SGIP1: variants seen among roughly 807,000 people sequenced by gnomAD.
SGIP1 encodes SH3GL interacting endocytic adaptor 1.
In SGIP1, 38 loss-of-function variants were observed where a neutral mutation model predicts 107.5. The ratio of observed to expected loss-of-function variants is 0.35; its 90% CI spans 0.27 to 0.46. SGIP1 has a LOEUF of 0.46. Ranked by LOEUF, SGIP1 falls within the 20% of genes least tolerant of loss-of-function variation. The pLI is 1.00. For missense variants in SGIP1, 929 were observed against 1,019.5 expected (o/e 0.91, Z 1.21); for synonymous variants, 365 against 366.1 (o/e 1.00, Z 0.03).
chr1:66,702,698 A>C (rs191947107), intron 18 of SGIP1, among the ~76,000 whole-genome samples: 1 of 152,184 alleles, frequency 6.6e-6, no homozygotes, highest in Admixed American at 6.5e-5. Context: ...TTGTATCTCT[A>C]TCAGACTCAC....
intron 17 of SGIP1, among the ~76,000 whole-genome samples, chr1:66,693,040 T>C (rs2090202384): frequency 1.3e-5 from 2 of 152,188 alleles, no homozygotes; most frequent in South Asian, 4.1e-4. Context: ...GAAAAACTAC[T>C]GGTTGAGCTA....
At chr1:66,603,125 C>G (rs895811614) in intron 1 of SGIP1, among the ~76,000 whole-genome samples, 4 of 152,130 alleles carry the variant, frequency 2.6e-5, no homozygotes, top group African/African-American at 9.7e-5. Context: ...AAATGTTAAG[C>G]TAATGCTTTT....
intron 19 of SGIP1, among the ~76,000 whole-genome samples, chr1:66,726,111 A>T (rs1244482655): frequency 6.6e-6 from 1 of 152,204 alleles, no homozygotes; most frequent in African/African-American, 2.4e-5. Flanking sequence ...TGCAGGAGCC[A>T]CACACAAGCC....
intron 10 of SGIP1, among the ~76,000 whole-genome samples, chr1:66,671,250 C>T (rs2083720332): frequency 6.6e-6 from 1 of 152,024 alleles, no homozygotes; most frequent in South Asian, 2.1e-4. Flanking sequence ...AAAAACATTG[C>T]TATTTTCTTT....
chr1:66,566,050 G>A (rs1294760983), intron 1 of SGIP1, among the ~76,000 whole-genome samples: 1 of 151,918 alleles, frequency 6.6e-6, no homozygotes. Flanking sequence ...ACCCAAACTA[G>A]CCATTACACT....
At chr1:66,533,441 T>C (rs928122969), upstream of SGIP1, 2 of 152,266 alleles carry the variant, frequency 1.3e-5, no homozygotes, top group East Asian at 3.9e-4. Context: ...TTAATGACAG[T>C]TCCCAGCCCT....
intron 7 of SGIP1, among the ~76,000 whole-genome samples, chr1:66,646,506 G>A (rs1453843896): frequency 6.6e-6 from 1 of 152,136 alleles, no homozygotes; most frequent in African/African-American, 2.4e-5. Flanking sequence ...ATAAAGTCGT[G>A]CCTCACTTAT....
At chr1:66,559,146 T>TG (rs1295946049) in intron 1 of SGIP1, among the ~76,000 whole-genome samples, 1 of 152,102 alleles carries the variant, frequency 6.6e-6, no homozygotes, top group African/African-American at 2.4e-5. Context: ...AAATTTTGTG[T>TG]GTGCAGAAAA....
chr1:66,613,636 C>T (rs557539525), intron 1 of SGIP1, among the ~76,000 whole-genome samples: 9 of 152,286 alleles, frequency 5.9e-5, no homozygotes, highest in Admixed American at 5.9e-4. Flanking sequence ...AGCCTAAAAT[C>T]TAAGGTCTTT....
chr1:66,566,804 A>T (rs1053075192), intron 1 of SGIP1, among the ~76,000 whole-genome samples: 1 of 151,946 alleles, frequency 6.6e-6, no homozygotes, highest in Admixed American at 6.6e-5. Context: ...TCAACCCGTC[A>T]TCTAGGTTTT....
rs1571841832 is a variant in SGIP1, at chr1:66,687,515, A to C, written c.1316-1633A>C. Among the ~76,000 whole-genome samples, 9 of 152,212 alleles carry C rather than the reference A, an allele frequency of 5.9e-5. No homozygotes were observed. In the Middle Eastern group the frequency reaches 0.01, roughly 173 times the overall value. Reference sequence around the variant, plus strand: ...TATTGAGAGAGAGATGTGCAAGCCAAGCAAAAATAAGAACAGACTTTATGC... The same window carrying C: ...TATTGAGAGAGAGATGTGCAAGCCACGCAAAAATAAGAACAGACTTTATGC... On this transcript the variant is annotated intron_variant, in intron 15 of 24. Transcript: ENST00000371037.
At chr1:66,634,051 G>A (rs752823841) in intron 3 of SGIP1, 2 of 1,559,940 alleles carry the variant, frequency 1.3e-6, no homozygotes, top group South Asian at 1.2e-5. Context: ...TCAGACATTG[G>A]GTAACACTAT....
chr1:66,729,080 C>A (rs1393557971), intron 19 of SGIP1, among the ~76,000 whole-genome samples, 184 bp from the exon 20 acceptor site: 1 of 151,982 alleles, frequency 6.6e-6, no homozygotes, highest in African/African-American at 2.4e-5. Context: ...ATATAACAAA[C>A]CTGCACATGT....
At chr1:66,600,741 T>C (rs1232833750) in intron 1 of SGIP1, among the ~76,000 whole-genome samples, 4 of 152,132 alleles carry the variant, frequency 2.6e-5, no homozygotes, top group African/African-American at 4.8e-5. Context: ...AGTGGTCCCC[T>C]AAGCCATGCA....
At chr1:66,633,175 T>C (rs2075137033) in intron 3 of SGIP1, 81 bp downstream of exon 3, 2 of 937,310 alleles carry the variant, frequency 2.1e-6, no homozygotes, top group Non-Finnish European at 3.4e-6. Flanking sequence ...CCTTTTTTTT[T>C]CCTGTAGGGA....
chr1:66,663,458 C>G (rs896112788), intron 8 of SGIP1, among the ~76,000 whole-genome samples: 2 of 151,984 alleles, frequency 1.3e-5, no homozygotes, highest in Non-Finnish European at 2.9e-5. Context: ...TCCCTCCTGG[C>G]TGATAATAAT....
At chr1:66,576,055 A>T (rs1302388223) in intron 1 of SGIP1, among the ~76,000 whole-genome samples, 1 of 152,222 alleles carries the variant, frequency 6.6e-6, no homozygotes, top group Non-Finnish European at 1.5e-5. Flanking sequence ...ATTTATTTAT[A>T]TATTGCAGCA....
chr1:66,591,037 TG>T (rs2063541267), intron 1 of SGIP1, among the ~76,000 whole-genome samples: 1 of 152,172 alleles, frequency 6.6e-6, no homozygotes, highest in Admixed American at 6.5e-5. Context: ...TTTAAGGCAA[TG>T]GAGGTATTTT....
chr1:66,630,820 A>G (rs1313273195), intron 2 of SGIP1, among the ~76,000 whole-genome samples: 1 of 4,874 alleles, frequency 2.1e-4, no homozygotes, highest in Admixed American at 3.8e-3. Flanking sequence ...AGAAAGAAAG[A>G]AAGAAAGAAA....
Sources: gnomAD v4.1 joint callset for allele counts (sites outside exome capture counted in the v4.1 genomes callset) on GRCh38, gnomAD v4.1.1 for gene constraint, MANE v1.5 for transcripts, NCBI Gene and HGNC (gene_info 2026-07-23, HGNC 2026-07-21) for gene names.